Variants in DCP2 observed in about 807,000 individuals in gnomAD.
The protein encoded by DCP2 is decapping mRNA 2.
DCP2 carries 30 observed loss-of-function variants against 56.1 expected under a neutral mutation model. The observed-to-expected ratio is 0.53, with a 90% CI of 0.40 to 0.73. DCP2 has a LOEUF of 0.73. Among genes scored for constraint, DCP2 ranks in the 30% least tolerant of loss-of-function variants. The pLI is 0.00. For missense variants in DCP2, 533 were observed against 502.7 expected (o/e 1.06, Z -0.58); for synonymous variants, 197 against 163.3 (o/e 1.21, Z -1.57).
Position 113,019,372 on chromosome 5 carries a change from T to C in DCP2, c.*5888T>C, listed in dbSNP as rs1580847837. 1.3e-5 allele frequency: 2 copies of C among 152,244 alleles called. No homozygotes were observed. Among genetic ancestry groups the C allele is most frequent in the South Asian group, 2.1e-4 (1 of 4,828 alleles). 9.4% of individuals were successfully genotyped at this position (152,244 alleles called of 1,614,324 possible). The stretch of plus-strand genomic sequence containing the variant: ...TATTCTTTATGCACTATACATATGA[T>C]ACGCACTGACAGAAAAGCACAGAAG... On this transcript the variant is annotated 3_prime_UTR_variant, in exon 11 of 11. Coordinates refer to ENST00000389063, the MANE Select transcript of DCP2 (RefSeq NM_152624.6).
chr5:112,981,914 G>A (rs1191397038), intron 1 of DCP2, among the ~76,000 whole-genome samples: 1 of 152,194 alleles, frequency 6.6e-6, no homozygotes, highest in East Asian at 1.9e-4. Context: ...GGGATTACAG[G>A]CACCCTCCAC....
intron 1 of DCP2, among the ~76,000 whole-genome samples, chr5:112,980,413 G>A (rs768151796): frequency 2.0e-5 from 3 of 152,128 alleles, no homozygotes; most frequent in South Asian, 2.1e-4. Context: ...GAATTCAACC[G>A]GAACATTTTT....
chr5:113,020,302 A>C lies in DCP2; in HGVS notation c.*6818A>C, dbSNP rs573675105. 6.6e-6 allele frequency: 1 copy of C among 152,268 alleles called. No homozygotes were observed. Among genetic ancestry groups the C allele is most frequent in the African/African-American group, 2.4e-5 (1 of 41,564 alleles). The allele number at this position is 152,268 out of a possible 1,614,324, so 9.4% of individuals were successfully genotyped here. ...TCTTATGTGAAATGATTCAACCTTT[A>C]ATTTTTGCCTAGATTATAGCAATGT... On this transcript the variant is annotated 3_prime_UTR_variant, in exon 11 of 11. Coordinates refer to ENST00000389063, the MANE Select transcript of DCP2 (RefSeq NM_152624.6).
chr5:113,009,349 G>GTT (rs1262227544), intron 9 of DCP2, among the ~76,000 whole-genome samples: 1 of 152,206 alleles, frequency 6.6e-6, no homozygotes, highest in Non-Finnish European at 1.5e-5. Flanking sequence ...TATATGAGCA[G>GTT]TTTTTAAGAG....
chr5:113,001,052 A>G, intron 4 of DCP2, 32 bp from the exon 5 acceptor site: 2 of 1,563,328 alleles, frequency 1.3e-6, no homozygotes, highest in South Asian at 2.4e-5. Flanking sequence ...AAGAACTAAA[A>G]TGAAAATTTC....
chr5:112,979,123 A>T (rs1247480172), intron 1 of DCP2, among the ~76,000 whole-genome samples: 13 of 139,022 alleles, frequency 9.4e-5, no homozygotes, highest in Admixed American at 8.9e-4. Flanking sequence ...TTTTCCAGTG[A>T]GTGTATTTAA....
chr5:112,989,082 A>G (rs146916332), intron 2 of DCP2, among the ~76,000 whole-genome samples: 17 of 152,350 alleles, frequency 1.1e-4, no homozygotes, highest in Middle Eastern at 3.4e-3. Context: ...CAGTGAAGAG[A>G]GTAGACTCAG....
In DCP2 at chr5:112,976,951, G is replaced by C; in HGVS notation, c.18G>C (p.Val6=). The C allele has an allele frequency of 6.3e-7, 1 of 1,599,758 alleles. No homozygotes were observed. Among genetic ancestry groups the C allele is most frequent in the South Asian group, 1.1e-5 (1 of 90,304 alleles). Residue 6 remains valine (V), a synonymous_variant, in exon 1 of 11, where the codon GTG becomes GTC. Coordinates refer to ENST00000389063, the MANE Select transcript of DCP2 (RefSeq NM_152624.6). The part of the protein sequence containing the change: METKR[V]EIPGSVLDDL... ...TCCTCATCATGGAGACCAAACGGGT[G>C]GAGATTCCCGGCAGCGTCCTGGACG...
At chr5:112,981,944 T>G (rs1408008104) in intron 1 of DCP2, among the ~76,000 whole-genome samples, 1 of 152,082 alleles carries the variant, frequency 6.6e-6, no homozygotes, top group East Asian at 1.9e-4. Flanking sequence ...TTTTATATTT[T>G]TAGTGGAGAC....
rs1323284220 is a variant in DCP2, at chr5:112,976,880, C to G, written c.-54C>G. ...AGCCGGAGTCCTAGTGCCGTACCGT[C>G]AGTCCCCGGCCGCGCGGAGCCGGGA... On this transcript the variant is annotated 5_prime_UTR_variant, in exon 1 of 11. Transcript: ENST00000389063. The G allele has an allele frequency of 5.7e-6, 9 of 1,587,978 alleles. No individual in the cohort carries two copies. Among genetic ancestry groups the G allele is most frequent in the Non-Finnish European group, 7.8e-6 (9 of 1,156,242 alleles).
intron 4 of DCP2, among the ~76,000 whole-genome samples, chr5:112,998,274 A>G (rs543024926): frequency 6.6e-5 from 10 of 152,288 alleles, no homozygotes; most frequent in African/African-American, 2.4e-4. Context: ...AGCTGTAGCC[A>G]TTCCTGGCTA....
chr5:112,981,230 G>A lies in DCP2; in HGVS notation c.53+4244G>A, dbSNP rs78492908. ...ATCTTTGCCCAGCCTGGTCTCAAAC[G>A]TACTTGTAGCCTCAAGCAATCCTCC... On this transcript the variant is annotated intron_variant, in intron 1 of 10. Transcript: ENST00000389063. Among the ~76,000 whole-genome samples, 455 of 151,996 alleles carry A rather than the reference G, an allele frequency of 3.0e-3. 11 individuals carry two copies. The East Asian group carries it at 0.053, about 18-fold the overall frequency.
intron 7 of DCP2, among the ~76,000 whole-genome samples, chr5:113,002,001 A>G (rs1160434809): frequency 6.6e-6 from 1 of 152,214 alleles, no homozygotes; most frequent in Admixed American, 6.5e-5. Flanking sequence ...TCCTACTTTT[A>G]AGATAATTGA....
chr5:113,001,673 A>G lies in DCP2; in HGVS notation c.805A>G (p.Ser269Gly). Residue 269 changes from serine (S) to glycine (G), a missense_variant and splice_region_variant, in exon 7 of 11, where the codon AGT becomes GGT. This residue lies in a region of DCP2 where 392 missense variants were observed against 346.6 expected (regional missense o/e 1.13). Transcript: ENST00000389063. ...TPAKPTVEKL[S>G]RTKFRHSQQL... The stretch of plus-strand genomic sequence containing the variant: ...GGCTAAACCCACTGTGGAAAAATTG[A>G]GGTAAAGAAATACATTCATGGAATC... The G allele has an allele frequency of 6.2e-7, 1 of 1,611,640 alleles. No homozygotes were observed. Among genetic ancestry groups the G allele is most frequent in the African/African-American group, 1.3e-5 (1 of 74,988 alleles).
intron 4 of DCP2, among the ~76,000 whole-genome samples, chr5:112,998,794 G>T (rs772511612): frequency 6.6e-6 from 1 of 152,216 alleles, no homozygotes; most frequent in Middle Eastern, 3.2e-3. Context: ...AATTGCAAAC[G>T]TAATGCCCCT....
intron 3 of DCP2, among the ~76,000 whole-genome samples, chr5:112,992,456 C>T (rs112345965): frequency 4.6e-5 from 7 of 151,932 alleles, no homozygotes; most frequent in Non-Finnish European, 7.4e-5. Context: ...AAAAAAGTGT[C>T]GCTTAATTGT....
At chr5:113,012,931 C>T (rs1385034168) in intron 10 of DCP2, among the ~76,000 whole-genome samples, 2 of 152,196 alleles carry the variant, frequency 1.3e-5, no homozygotes, top group South Asian at 2.1e-4. Flanking sequence ...TGTGAGCCAC[C>T]ATGCCTGGCC....
chr5:112,999,626 C>T (rs1451069072), intron 4 of DCP2, among the ~76,000 whole-genome samples: 153 of 138,010 alleles, frequency 1.1e-3, no homozygotes, highest in African/African-American at 3.7e-3. Context: ...CGCACCCAGC[C>T]TTTTTTTTTT....
rs201973039 is a variant in DCP2, at chr5:113,004,092, A to T, written c.942+15A>T. ...TAAAAGGAAAGGTGAGTGATACACA[A>T]TTACAGTCTTTTCAGAAATTTAGAT... is the stretch of plus-strand genomic sequence containing the variant. On this transcript the variant is annotated intron_variant, in intron 8 of 10. Coordinates refer to ENST00000389063, the MANE Select transcript of DCP2 (RefSeq NM_152624.6). 1.5e-4 allele frequency: 238 copies of T among 1,599,906 alleles called. No homozygotes were observed. In the African/African-American group the frequency reaches 3.1e-3, roughly 21 times the overall value.
Sources: gnomAD v4.1 joint callset for allele counts (sites outside exome capture counted in the v4.1 genomes callset) on GRCh38, gnomAD v4.1.1 for gene constraint, gnomAD v4.1.1 regional missense constraint, MANE v1.5 for transcripts, NCBI Gene and HGNC (gene_info 2026-07-23, HGNC 2026-07-21) for gene names.